The following RBFOX1 variants were observed in gnomAD, a reference collection of about 807,000 sequenced individuals.
The protein encoded by RBFOX1 is RNA binding protein fox-1 homolog 1.
Under a neutral mutation model 57.7 loss-of-function variants are expected in RBFOX1, and 8 were observed. That is an observed-to-expected ratio of 0.14 (90% CI 0.08 to 0.25). The LOEUF (loss-of-function observed/expected upper bound fraction) is 0.25. Ranked by LOEUF, RBFOX1 falls within the 10% of genes least tolerant of loss-of-function variation. The pLI, the probability that RBFOX1 is intolerant of heterozygous loss-of-function variation, is 1.00. For synonymous variants in RBFOX1, 326 were observed against 222.4 expected (o/e 1.47, Z -4.15); for missense variants, 611 against 548.5 (o/e 1.11, Z -1.14).
At chr16:7,573,438 C>T (rs758214584) in intron 5 of RBFOX1, among the ~76,000 whole-genome samples, 8 of 152,106 alleles carry the variant, frequency 5.3e-5, no homozygotes, top group Non-Finnish European at 1.0e-4. Context: ...TGACTGCCCT[C>T]AATTTCCTCC....
chr16:6,615,377 C>A, intron 2 of RBFOX1, among the ~76,000 whole-genome samples: 1 of 152,128 alleles, frequency 6.6e-6, no homozygotes, highest in Non-Finnish European at 1.5e-5. Flanking sequence ...GGAGACCAGC[C>A]TGGCCAACAT....
Position 6,777,271 on chromosome 16 carries a change from G to A in RBFOX1, c.-16+122621G>A, listed in dbSNP as rs371398635. Among the ~76,000 whole-genome samples, 6 of 152,224 alleles carry A rather than the reference G, an allele frequency of 3.9e-5. No homozygotes were observed. In the East Asian group the frequency reaches 9.7e-4, roughly 25 times the overall value. On this transcript the variant is annotated intron_variant, in intron 3 of 15. Coordinates refer to ENST00000550418, the MANE Select transcript of RBFOX1 (RefSeq NM_018723.4). ...CACATTATCTGGCATTGCTTTTTTA[G>A]TTTTGTAATGGAGTAATTGATTAGT...
At chr16:6,358,064 C>T (rs193114733) in intron 2 of RBFOX1, among the ~76,000 whole-genome samples, 3 of 152,046 alleles carry the variant, frequency 2.0e-5, no homozygotes, top group African/African-American at 4.8e-5. Context: ...CTTCCAGAAC[C>T]CTTTGAGAGT....
intron 3 of RBFOX1, among the ~76,000 whole-genome samples, chr16:6,761,060 T>C (rs1180792649): frequency 6.6e-6 from 1 of 152,214 alleles, no homozygotes; most frequent in Non-Finnish European, 1.5e-5. Flanking sequence ...ATTTTTGAAT[T>C]AAATTACCTA....
At chr16:6,567,509 C>A (rs940392195) in intron 2 of RBFOX1, among the ~76,000 whole-genome samples, 3 of 152,194 alleles carry the variant, frequency 2.0e-5, no homozygotes, top group African/African-American at 7.2e-5. Flanking sequence ...GACAGTCACC[C>A]TGGTTCTCTG....
chr16:6,003,075 C>T (rs995994537), intron 4 of RBFOX1, among the ~76,000 whole-genome samples: 6 of 151,840 alleles, frequency 4.0e-5, no homozygotes, highest in Admixed American at 1.3e-4. Context: ...GTCAGGAGAT[C>T]GAGATCATCC....
At chr16:5,431,340 G>T (rs1328342864) in intron 1 of RBFOX1, among the ~76,000 whole-genome samples, 2 of 152,078 alleles carry the variant, frequency 1.3e-5, no homozygotes, top group East Asian at 1.9e-4. Flanking sequence ...AAAAGTTAGG[G>T]TCTGGGTTAC....
At chr16:5,767,561 G>A (rs757985369) in intron 3 of RBFOX1, among the ~76,000 whole-genome samples, 1 of 152,160 alleles carries the variant, frequency 6.6e-6, no homozygotes, top group Admixed American at 6.5e-5. Flanking sequence ...CCCTGCGTGA[G>A]TTTCCAAGCT....
intron 3 of RBFOX1, among the ~76,000 whole-genome samples, chr16:5,804,284 C>T (rs1597321303): frequency 6.6e-6 from 1 of 152,170 alleles, no homozygotes. Flanking sequence ...GAGATTCATA[C>T]ATTCATATGT....
intron 3 of RBFOX1, among the ~76,000 whole-genome samples, chr16:5,678,463 T>A (rs1325054462): frequency 2.0e-5 from 3 of 152,186 alleles, no homozygotes; most frequent in African/African-American, 7.2e-5. Context: ...GTAAATAGAT[T>A]TAGGGCATAT....
rs557332653 is a variant in RBFOX1 at position 7,608,797 on chromosome 16, T to G, written c.676+1459T>G. ...GAAGAGTGGTGTGTAGCCAGCACCG[T>G]GTAAACATTTAGTAAACAAAAATGA... On this transcript the variant is annotated intron_variant, in intron 10 of 15. Transcript: ENST00000550418. Among the ~76,000 whole-genome samples, 3 of 152,342 alleles carry G rather than the reference T, an allele frequency of 2.0e-5. No individual in the cohort carries two copies. The Middle Eastern group carries it at 0.01, about 518-fold the overall frequency.
intron 1 of RBFOX1, among the ~76,000 whole-genome samples, chr16:5,313,168 G>T (rs949625681): frequency 3.9e-5 from 6 of 152,180 alleles, no homozygotes; most frequent in African/African-American, 1.4e-4. Context: ...CCCGGGCAGG[G>T]ATGCTCATTA....
At position 5,284,782 on chromosome 16, in the gene RBFOX1, T is replaced by A. The variant is rs979136637; in HGVS notation, c.219+44677T>A. Among the ~76,000 whole-genome samples the A allele has an allele frequency of 4.0e-5, 5 of 124,176 alleles. 1 individual carries two copies. In the South Asian group the frequency reaches 1.1e-3, roughly 28 times the overall value. 81.5% of individuals were successfully genotyped at this position (124,176 alleles called of 152,430 possible). ...TTTTTTTTTTTTTTTTTTTTTTTTT[T>A]ACTTGTAGTATACAGACCCTTTTCT... On this transcript the variant is annotated intron_variant, in intron 1 of 2. Coordinates refer to the RBFOX1 transcript ENST00000585867.
chr16:7,159,733 C>G (rs774208970), intron 4 of RBFOX1, among the ~76,000 whole-genome samples: 21 of 152,184 alleles, frequency 1.4e-4, no homozygotes, highest in Non-Finnish European at 2.4e-4. Context: ...GATAGCCTGA[C>G]AAGACCCAGA....
At chr16:6,820,241 C>G (rs902192233) in intron 3 of RBFOX1, among the ~76,000 whole-genome samples, 2 of 152,168 alleles carry the variant, frequency 1.3e-5, no homozygotes, top group African/African-American at 4.8e-5. Context: ...GTCGATTAAA[C>G]CTTTTCTTCT....
At chr16:5,799,337 G>T (rs187269890) in intron 3 of RBFOX1, among the ~76,000 whole-genome samples, 3 of 152,224 alleles carry the variant, frequency 2.0e-5, no homozygotes, top group Admixed American at 1.3e-4. Context: ...TTTGGGTGGG[G>T]ACATAGCCAA....
chr16:6,661,274 C>T (rs1012818325), intron 3 of RBFOX1, among the ~76,000 whole-genome samples: 3 of 152,160 alleles, frequency 2.0e-5, no homozygotes, highest in Admixed American at 6.5e-5. Context: ...AGAAAGAGCT[C>T]CCATGTGCCT....
chr16:5,779,037 C>T (rs928129532), intron 3 of RBFOX1, among the ~76,000 whole-genome samples: 3 of 152,096 alleles, frequency 2.0e-5, no homozygotes, highest in Admixed American at 2.0e-4. Context: ...ATGAACCAAC[C>T]TATTACTAGA....
intron 4 of RBFOX1, among the ~76,000 whole-genome samples, chr16:7,153,268 T>C (rs540604862): frequency 6.6e-6 from 1 of 152,294 alleles, no homozygotes; most frequent in African/African-American, 2.4e-5. Context: ...CCTGGAGGCA[T>C]GGGTCAGAAT....
Sources: allele counts gnomAD v4.1 joint callset (sites outside exome capture counted in the v4.1 genomes callset), GRCh38; gene constraint gnomAD v4.1.1; transcripts MANE v1.5; gene names NCBI Gene and HGNC (gene_info 2026-07-23, HGNC 2026-07-21).